Variants in CSMD3 observed in about 807,000 individuals in gnomAD.
CSMD3 encodes the protein CUB and sushi domain-containing protein 3.
CSMD3 carries 177 observed loss-of-function variants against 435.2 expected under a neutral mutation model. The ratio of observed to expected loss-of-function variants is 0.41; its 90% CI spans 0.36 to 0.46. The LOEUF is 0.46. CSMD3 is among the 20% of genes least tolerant of loss of function. The probability of loss-of-function intolerance (pLI) is 0.34; values close to 1 mark genes in which losing one functional copy is unlikely to be tolerated. For missense variants in CSMD3, 4,265 were observed against 4,504.6 expected (o/e 0.95, Z 1.52); for synonymous variants, 1,656 against 1,520.5 (o/e 1.09, Z -2.07).
intron 9 of CSMD3, among the ~76,000 whole-genome samples, chr8:112,928,119 T>A (rs1210214467): frequency 1.3e-5 from 2 of 152,212 alleles, no homozygotes; most frequent in Non-Finnish European, 2.9e-5. Flanking sequence ...TCTACTTATA[T>A]ACTTCTATGA....
At chr8:113,109,276 T>C (rs957578266) in intron 4 of CSMD3, among the ~76,000 whole-genome samples, 4 of 152,224 alleles carry the variant, frequency 2.6e-5, no homozygotes, top group Admixed American at 6.5e-5. Context: ...ATAGCTCTAA[T>C]AGTCTTAGCT....
At chr8:112,694,802 C>T (rs1359003591) in intron 13 of CSMD3, among the ~76,000 whole-genome samples, 4 of 152,036 alleles carry the variant, frequency 2.6e-5, no homozygotes, top group Non-Finnish European at 5.9e-5. Flanking sequence ...AAAACCTTTA[C>T]TTAGTTTCTA....
In CSMD3 at chr8:112,472,581, TCTTA is replaced by T. The variant is rs1380605675; in HGVS notation, c.5395+6_5395+9del. ...ATGAAATACTACATAATGAGTCGAA[TCTTA>T]CTTACCAAACTCCTTTGGAACTGCT... On this transcript the variant is annotated splice_donor_region_variant and intron_variant, in intron 32 of 70. Coordinates refer to ENST00000297405, the MANE Select transcript of CSMD3 (RefSeq NM_198123.2). 4 of 1,364,288 alleles carry T rather than the reference TCTTA, an allele frequency of 2.9e-6. No individual in the cohort carries two copies. In the Admixed American group the frequency reaches 6.7e-5, roughly 23 times the overall value. 84.5% of individuals were successfully genotyped at this position (1,364,288 alleles called of 1,614,324 possible).
At position 112,265,432 on chromosome 8, in the gene CSMD3, C is replaced by T. The variant is rs2130410012; in HGVS notation, c.9667G>A (p.Gly3223Arg). Residue 3223 changes from glycine (G) to arginine (R), a missense_variant, in exon 60 of 71, where the codon GGA (glycine) becomes AGA (arginine). Gly to Arg is a moderately radical substitution (Grantham distance 125). Coordinates refer to ENST00000297405, the MANE Select transcript of CSMD3 (RefSeq NM_198123.2). ...ATACCTCTACAAGTTGGCATTACTCCACTCCATGTGCCATTAATTGTACAA... is the reference window on the plus strand; with the variant it reads ...ATACCTCTACAAGTTGGCATTACTCTACTCCATGTGCCATTAATTGTACAA... ...RTCTINGTWS[G>R]VMPTCRAVTC... 1 of 1,613,318 alleles carries T rather than the reference C, an allele frequency of 6.2e-7. No individual in the cohort carries two copies. Among genetic ancestry groups the T allele is most frequent in the Non-Finnish European group, 8.5e-7 (1 of 1,179,430 alleles).
chr8:113,203,774 G>A (rs960041438), intron 3 of CSMD3, among the ~76,000 whole-genome samples: 3 of 151,964 alleles, frequency 2.0e-5, no homozygotes, highest in Non-Finnish European at 4.4e-5. Flanking sequence ...AACATGTACA[G>A]ACTTCTCTTC....
At chr8:112,563,108 G>A (rs1453297726) in intron 24 of CSMD3, among the ~76,000 whole-genome samples, 1 of 151,492 alleles carries the variant, frequency 6.6e-6, no homozygotes, top group African/African-American at 2.4e-5. Context: ...AATCCTCTGT[G>A]ATTGAGATAT....
chr8:112,437,262 C>A, intron 32 of CSMD3, among the ~76,000 whole-genome samples: 1 of 152,130 alleles, frequency 6.6e-6, no homozygotes, highest in African/African-American at 2.4e-5. Flanking sequence ...ACATGTTCCA[C>A]ATGTTTCTAT....
At chr8:113,048,083 C>CTTTT (rs35254619) in intron 5 of CSMD3, among the ~76,000 whole-genome samples, 10 of 106,940 alleles carry the variant, frequency 9.4e-5, no homozygotes, top group Non-Finnish European at 1.3e-4. Flanking sequence ...AACTTCAATT[C>CTTTT]TTTTTTTTTT....
At chr8:113,076,765 T>C (rs564250731) in intron 5 of CSMD3, among the ~76,000 whole-genome samples, 2 of 152,214 alleles carry the variant, frequency 1.3e-5, no homozygotes, top group South Asian at 4.2e-4. Context: ...TATAAAACTA[T>C]GGTTACAATA....
At chr8:112,423,282 T>G (rs2130307157) in intron 32 of CSMD3, among the ~76,000 whole-genome samples, 1 of 152,312 alleles carries the variant, frequency 6.6e-6, no homozygotes, top group South Asian at 2.1e-4. Flanking sequence ...GCTATTTCAA[T>G]CTTTGCTATC....
chr8:112,277,469 A>C (rs1818181209), intron 59 of CSMD3, among the ~76,000 whole-genome samples: 1 of 152,188 alleles, frequency 6.6e-6, no homozygotes, highest in South Asian at 2.1e-4. Context: ...GCTCAAAGCC[A>C]TTCAACAAGT....
At chr8:112,287,309 G>T in intron 57 of CSMD3, 63 bp from the exon 58 acceptor site, 2 of 1,512,278 alleles carry the variant, frequency 1.3e-6, no homozygotes, top group African/African-American at 1.4e-5. Flanking sequence ...TTACCAGTTA[G>T]TCCAAGGGCC....
chr8:112,932,359 T>C (rs1007529868), intron 9 of CSMD3, among the ~76,000 whole-genome samples: 3 of 152,192 alleles, frequency 2.0e-5, no homozygotes, highest in Admixed American at 6.6e-5. Context: ...ATATCACAAA[T>C]TTTTATGCAT....
rs566542284 is a variant in CSMD3 at position 113,330,057 on chromosome 8, T to C, written c.179-15264A>G. Among the ~76,000 whole-genome samples the C allele has an allele frequency of 8.5e-5, 13 of 152,198 alleles. No homozygotes were observed. In the East Asian group the frequency reaches 2.3e-3, roughly 27 times the overall value. On this transcript the variant is annotated intron_variant, in intron 1 of 70. Transcript: ENST00000297405. ...ACATGAAGAGAACCAAAAATGTACA[T>C]TTTAACTGTTTTATTTTCCTATATA...
intron 59 of CSMD3, among the ~76,000 whole-genome samples, chr8:112,269,381 C>A (rs1817251516): frequency 6.6e-6 from 1 of 152,158 alleles, no homozygotes; most frequent in African/African-American, 2.4e-5. Context: ...GTCCTTAGCC[C>A]AAAGGAACAA....
chr8:113,016,268 T>C (rs1044096397), intron 6 of CSMD3, among the ~76,000 whole-genome samples: 16 of 151,882 alleles, frequency 1.1e-4, no homozygotes, highest in African/African-American at 3.9e-4. Flanking sequence ...TACTTTTGAA[T>C]TGATATAGAA....
intron 32 of CSMD3, among the ~76,000 whole-genome samples, chr8:112,436,286 T>C (rs1357473993): frequency 6.6e-6 from 1 of 151,912 alleles, no homozygotes; most frequent in Non-Finnish European, 1.5e-5. Flanking sequence ...AAAGTAAATA[T>C]AATAAAGTTA....
At chr8:113,356,392 T>C (rs538885861) in intron 1 of CSMD3, among the ~76,000 whole-genome samples, 4 of 152,228 alleles carry the variant, frequency 2.6e-5, no homozygotes, top group African/African-American at 7.2e-5. Context: ...GTCTGGATAC[T>C]TAGTGAAGAA....
chr8:113,260,296 C>T (rs563833376), intron 3 of CSMD3, among the ~76,000 whole-genome samples: 1 of 152,222 alleles, frequency 6.6e-6, no homozygotes, highest in Non-Finnish European at 1.5e-5. Flanking sequence ...TTCCTGAATC[C>T]AAGTTGTCTC....
Sources: gnomAD v4.1 joint callset for allele counts (sites outside exome capture counted in the v4.1 genomes callset) on GRCh38, gnomAD v4.1.1 for gene constraint, MANE v1.5 for transcripts, NCBI Gene and HGNC (gene_info 2026-07-23, HGNC 2026-07-21) for gene names.